GNPTAB: variants seen among roughly 807,000 people sequenced by gnomAD.
The protein encoded by GNPTAB is N-acetylglucosamine-1-phosphate transferase subunits alpha and beta.
A neutral mutation model predicts 136.6 loss-of-function variants in GNPTAB; 92 were observed. That is an observed-to-expected ratio of 0.67 (90% CI 0.57 to 0.80). The LOEUF (loss-of-function observed/expected upper bound fraction) is 0.80, where lower values mean the gene tolerates loss of function less well. Ranked by LOEUF, GNPTAB falls within the 30% of genes least tolerant of loss-of-function variation. GNPTAB has a pLI of 0.00. For synonymous variants in GNPTAB, 512 were observed against 535.1 expected (o/e 0.96, Z 0.60); for missense variants, 1,343 against 1,501.8 (o/e 0.89, Z 1.75).
At chr12:101,766,038 C>G in intron 12 of GNPTAB, 53 bp downstream of exon 12, 1 of 1,444,514 alleles carries the variant, frequency 6.9e-7, no homozygotes, top group East Asian at 2.3e-5. Flanking sequence ...ACTCTCTCTA[C>G]CTGTCAAGGA....
At chr12:101,768,445 T>C (rs934370997) in intron 10 of GNPTAB, among the ~76,000 whole-genome samples, 1 of 152,206 alleles carries the variant, frequency 6.6e-6, no homozygotes, top group Non-Finnish European at 1.5e-5. Flanking sequence ...ATAACATGCT[T>C]TGATAATCTA....
intron 1 of GNPTAB, among the ~76,000 whole-genome samples, chr12:101,799,377 T>C (rs1369146817): frequency 6.6e-6 from 1 of 152,180 alleles, no homozygotes; most frequent in East Asian, 1.9e-4. Context: ...GAAGATCAGT[T>C]CCCAAAGAAA....
At position 101,771,067 on chromosome 12, in the gene GNPTAB, T is replaced by C. The variant is rs757123160; in HGVS notation, c.862A>G (p.Met288Val). 15 of 1,613,932 alleles carry C rather than the reference T, an allele frequency of 9.3e-6. No individual in the cohort carries two copies. Among genetic ancestry groups the C allele is most frequent in the African/African-American group, 1.3e-5 (1 of 74,940 alleles). The change falls in exon 8 of 21, where the codon ATG becomes GTG. Residue 288 changes from methionine to valine, a missense_variant. By Grantham distance (21) the Met-to-Val change is conservative (BLOSUM62 1). Transcript: ENST00000299314. ...GTCAGTTCTTTTCCATCAATGGTCA[T>C]GTTCTTCTTAGTTTGCTTATTCAAT... Reference protein sequence around the residue: ...QELNKQTKKNMTIDGKELTIS... With the variant: ...QELNKQTKKNVTIDGKELTIS...
Position 101,807,981 on chromosome 12 carries a change from T to C in GNPTAB, c.118-11219A>G, listed in dbSNP as rs1288887647. On this transcript the variant is annotated intron_variant, in intron 1 of 20. Coordinates refer to ENST00000299314, the MANE Select transcript of GNPTAB (RefSeq NM_024312.5). The stretch of plus-strand genomic sequence containing the variant: ...GAACAATTGGAATTTGAAACTAAAA[T>C]ACACAATACAATTTAGGTTAGCACC... Among the ~76,000 whole-genome samples, 3 of 152,028 alleles carry C rather than the reference T, an allele frequency of 2.0e-5. No individual in the cohort carries two copies. The East Asian group carries it at 5.8e-4, about 29-fold the overall frequency.
rs1489816567 is a variant in GNPTAB, at chr12:101,764,876, G to T, written c.2041C>A (p.His681Asn). Reference protein sequence around the residue: ...KEKRFPKFKRHDVNSTRRAQE... With the variant: ...KEKRFPKFKRNDVNSTRRAQE... ...GCTCTCCTTGTTGAGTTAACATCAT[G>T]TCTCTTAAACTTCGGGAAGCGTTTT... Residue 681 changes from histidine to asparagine, a missense_variant, in exon 13 of 21, where the codon CAT becomes AAT. Physicochemically the swap from His to Asn is moderately conservative, Grantham distance 68. Transcript: ENST00000299314. 1.2e-5 allele frequency: 19 copies of T among 1,614,168 alleles called. No individual in the cohort carries two copies. Among genetic ancestry groups the T allele is most frequent in the Non-Finnish European group, 1.6e-5 (19 of 1,180,034 alleles).
intron 3 of GNPTAB, 25 bp from the exon 4 acceptor site, chr12:101,788,614 T>C (rs765796284): frequency 7.8e-7 from 1 of 1,289,076 alleles, no homozygotes; most frequent in Admixed American, 1.7e-5. Context: ...ATACAGTTTA[T>C]TACATACATA....
At chr12:101,810,468 C>A (rs868773702) in intron 1 of GNPTAB, 1 of 133,564 alleles carries the variant, frequency 7.5e-6, no homozygotes. Flanking sequence ...CACACACACA[C>A]ATATATATAA....
At chr12:101,750,493 A>C (rs190346024) in intron 19 of GNPTAB, among the ~76,000 whole-genome samples, 1 of 152,242 alleles carries the variant, frequency 6.6e-6, no homozygotes, top group African/African-American at 2.4e-5. Flanking sequence ...TGACTGCAAG[A>C]GCACCCACAC....
chr12:101,815,252 T>G (rs1038976356), intron 1 of GNPTAB, among the ~76,000 whole-genome samples: 2 of 152,084 alleles, frequency 1.3e-5, no homozygotes. Flanking sequence ...TTTGTAGAGA[T>G]GGGGTTTCAC....
intron 12 of GNPTAB, 172 bp from the exon 13 acceptor site, chr12:101,765,476 C>G: frequency 1.6e-6 from 1 of 609,432 alleles, no homozygotes; most frequent in Non-Finnish European, 2.9e-6. Context: ...CTAAACTGTT[C>G]TAATTTTAGT....
At chr12:101,830,017 A>AAG (rs908770851) in intron 1 of GNPTAB, among the ~76,000 whole-genome samples, 21 of 151,720 alleles carry the variant, frequency 1.4e-4, no homozygotes, top group Admixed American at 7.9e-4. Context: ...AAAAAAAAAA[A>AAG]AAAAAGAAAA....
At chr12:101,761,837 T>C (rs1358427248) in intron 13 of GNPTAB, 74 bp from the exon 14 acceptor site, 3 of 1,098,996 alleles carry the variant, frequency 2.7e-6, no homozygotes, top group East Asian at 2.3e-5. Context: ...AGACATTTTA[T>C]ATAATGTGGT....
chr12:101,786,267 A>G, intron 4 of GNPTAB, 50 bp from the exon 5 acceptor site: 2 of 1,405,460 alleles, frequency 1.4e-6, no homozygotes, highest in Non-Finnish European at 2.0e-6. Flanking sequence ...AAATTTAATC[A>G]GCAATGAGAA....
At chr12:101,761,430 TCTCA>T in intron 14 of GNPTAB, 84 bp from the exon 15 acceptor site, 2 of 1,462,268 alleles carry the variant, frequency 1.4e-6, no homozygotes, top group Non-Finnish European at 1.9e-6. Flanking sequence ...CTTTTTTCTT[TCTCA>T]CTTAGATAAT....
intron 1 of GNPTAB, among the ~76,000 whole-genome samples, chr12:101,803,589 A>AT: frequency 6.6e-6 from 1 of 152,254 alleles, no homozygotes; most frequent in East Asian, 1.9e-4. Context: ...AAACTCAGAC[A>AT]TTTTTCTAGA....
chr12:101,757,230 T>G lies in GNPTAB; in HGVS notation c.3416A>C (p.Asp1139Ala). 6.3e-7 allele frequency: 1 copy of G among 1,591,106 alleles called. No homozygotes were observed. Reference sequence around the variant, plus strand: ...TCAGTACCTAGGGTTTTTTCTTATGTCATCCAACTGGCCAACCACATGAGA... The same window carrying G: ...TCAGTACCTAGGGTTTTTTCTTATGGCATCCAACTGGCCAACCACATGAGA... ...NVSHVVGQLD[D>A]IRKNPRKFVC... The change falls in exon 18 of 21, where the codon GAC becomes GCC. Residue 1139 changes from aspartate to alanine, a missense_variant. By Grantham distance (126) the Asp-to-Ala change is moderately radical. Coordinates refer to ENST00000299314, the MANE Select transcript of GNPTAB (RefSeq NM_024312.5).
rs1262918576 is a variant in GNPTAB, at chr12:101,771,119, T to C, written c.810A>G (p.Lys270=). The C allele has an allele frequency of 6.2e-7, 1 of 1,613,988 alleles. No homozygotes were observed. Among genetic ancestry groups the C allele is most frequent in the East Asian group, 2.2e-5 (1 of 44,884 alleles). ...LYSEASVALL[K]LNNPKDFQEL... is the part of the protein sequence containing the mutation. Reference sequence around the variant, plus strand: ...CTTGAAAATCCTTGGGGTTATTCAGTTTTAGAAGCGCTACACTGGCCTCTG... The same window carrying C: ...CTTGAAAATCCTTGGGGTTATTCAGCTTTAGAAGCGCTACACTGGCCTCTG... Residue 270 remains lysine, a synonymous_variant, in exon 8 of 21, where the codon AAA becomes AAG. Coordinates refer to ENST00000299314, the MANE Select transcript of GNPTAB (RefSeq NM_024312.5).
In GNPTAB at chr12:101,830,869, G is replaced by T. The variant is rs1048915361; in HGVS notation, c.-194C>A. On this transcript the variant is annotated 5_prime_UTR_variant, in exon 1 of 21. Transcript: ENST00000299314. ...GCCGCGGCCGCCGCTTCCGGGAGCC[G>T]GGAGCCCACGCCCTCGGCGCGGCGG... 2.0e-5 allele frequency: 3 copies of T among 152,822 alleles called. No homozygotes were observed. Among genetic ancestry groups the T allele is most frequent in the South Asian group, 1.9e-4 (1 of 5,294 alleles). The allele number at this position is 152,822 out of a possible 1,614,324, so 9.5% of individuals were successfully genotyped here.
chr12:101,757,760 T>C lies in GNPTAB; in HGVS notation c.3250-103A>G, dbSNP rs1030890665. ...TTTTTAACTTTGATTCTATGCTCTC[T>C]GGAGGTAAGAAAAACACCAACTGTG... is the stretch of plus-strand genomic sequence containing the variant. On this transcript the variant is annotated intron_variant, in intron 16 of 20. Transcript: ENST00000299314. The C allele has an allele frequency of 2.3e-5, 17 of 734,194 alleles. 1 individual carries two copies. In the East Asian group the frequency reaches 4.0e-4, roughly 17 times the overall value. The allele number at this position is 734,194 out of a possible 1,614,324, so 45.5% of individuals were successfully genotyped here.
Sources: gnomAD v4.1 joint callset for allele counts (sites outside exome capture counted in the v4.1 genomes callset) on GRCh38, gnomAD v4.1.1 for gene constraint, MANE v1.5 for transcripts, NCBI Gene and HGNC (gene_info 2026-07-23, HGNC 2026-07-21) for gene names.